The following CXCL13 variants were observed in gnomAD, a reference collection of about 807,000 sequenced individuals.
CXCL13 encodes the protein C-X-C motif chemokine 13.
Under a neutral mutation model 12.2 loss-of-function variants are expected in CXCL13, and 7 were observed. That is an observed-to-expected ratio of 0.57 (90% CI 0.33 to 1.07). The LOEUF (loss-of-function observed/expected upper bound fraction) is 1.07, where lower values mean the gene tolerates loss of function less well. Among genes scored for constraint, CXCL13 ranks in the 50% least tolerant of loss-of-function variants. The pLI is 0.04. For synonymous variants in CXCL13, 47 were observed against 42.4 expected (o/e 1.11, Z -0.42); for missense variants, 113 against 127.4 (o/e 0.89, Z 0.55).
intron 1 of CXCL13, among the ~76,000 whole-genome samples, chr4:77,514,855 G>T (rs1724375997): frequency 6.6e-6 from 1 of 152,064 alleles, no homozygotes. Context: ...CATTGCTTTT[G>T]GTGTTTTAGA....
chr4:77,537,644 T>C (rs1365253144), intron 1 of CXCL13, among the ~76,000 whole-genome samples: 10 of 152,202 alleles, frequency 6.6e-5, no homozygotes, highest in Non-Finnish European at 1.3e-4. Flanking sequence ...GAGTGTGTAA[T>C]GGATAGCAAT....
intron 1 of CXCL13, among the ~76,000 whole-genome samples, chr4:77,579,690 T>C (rs1025679927): frequency 6.6e-6 from 1 of 152,166 alleles, no homozygotes; most frequent in Non-Finnish European, 1.5e-5. Context: ...TGCCAAGCCC[T>C]AGAAATTAGA....
chr4:77,578,838 C>A (rs1004924223), intron 1 of CXCL13, among the ~76,000 whole-genome samples: 2 of 152,178 alleles, frequency 1.3e-5, no homozygotes, highest in Non-Finnish European at 2.9e-5. Context: ...ATCACACCCC[C>A]AAATTTTACC....
chr4:77,522,806 G>A (rs1186147982), intron 1 of CXCL13, among the ~76,000 whole-genome samples: 3 of 151,812 alleles, frequency 2.0e-5, no homozygotes, highest in Non-Finnish European at 2.9e-5. Context: ...TCATAGCATC[G>A]ATGGTCTTTA....
At chr4:77,549,832 G>T (rs1013852032) in intron 1 of CXCL13, among the ~76,000 whole-genome samples, 6 of 152,346 alleles carry the variant, frequency 3.9e-5, no homozygotes, top group African/African-American at 1.4e-4. Context: ...TCTGTTCTCA[G>T]ATCTCAAACT....
intron 1 of CXCL13, among the ~76,000 whole-genome samples, chr4:77,567,425 T>A (rs1725965575): frequency 6.6e-6 from 1 of 152,184 alleles, no homozygotes; most frequent in African/African-American, 2.4e-5. Flanking sequence ...GTGGCAACTC[T>A]CCACACAAAT....
intron 1 of CXCL13, among the ~76,000 whole-genome samples, chr4:77,593,928 A>G (rs148705882): frequency 5.1e-4 from 78 of 152,328 alleles, no homozygotes; most frequent in African/African-American, 1.8e-3. Context: ...CAGAACACAG[A>G]GATTGGGCTG....
chr4:77,567,496 C>T (rs1725967365), intron 1 of CXCL13, among the ~76,000 whole-genome samples: 1 of 152,152 alleles, frequency 6.6e-6, no homozygotes, highest in African/African-American at 2.4e-5. Flanking sequence ...GAAGATGTTG[C>T]CCCTACGTGA....
chr4:77,572,459 A>G lies in CXCL13; in HGVS notation c.-42-33365A>G, dbSNP rs1315214482. On this transcript the variant is annotated intron_variant, in intron 1 of 4. Transcript: ENST00000286758. Reference sequence around the variant, plus strand: ...ACAGACACTTTTCAAAAGAAGACATACATGTGGTCAACAATCGTATGAAAA... The same window carrying G: ...ACAGACACTTTTCAAAAGAAGACATGCATGTGGTCAACAATCGTATGAAAA... 7.2e-5 allele frequency among the ~76,000 whole-genome samples: 11 copies of G among 151,928 alleles called. No homozygotes were observed. The East Asian group carries it at 1.9e-3, about 27-fold the overall frequency.
intron 1 of CXCL13, among the ~76,000 whole-genome samples, chr4:77,521,904 C>T (rs1273653377): frequency 6.6e-6 from 1 of 152,076 alleles, no homozygotes; most frequent in Non-Finnish European, 1.5e-5. Context: ...GATTCTGGTA[C>T]ATTTTGTCTT....
chr4:77,514,946 C>G (rs1221218334), intron 1 of CXCL13, among the ~76,000 whole-genome samples: 1 of 152,028 alleles, frequency 6.6e-6, no homozygotes, highest in African/African-American at 2.4e-5. Flanking sequence ...TTAGGTCTAA[C>G]GTTTAAGTCT....
chr4:77,587,590 G>A (rs543054340), intron 1 of CXCL13, among the ~76,000 whole-genome samples: 2 of 152,294 alleles, frequency 1.3e-5, no homozygotes, highest in Non-Finnish European at 2.9e-5. Context: ...AACTTCCACT[G>A]TATGCCAGGT....
intron 1 of CXCL13, among the ~76,000 whole-genome samples, chr4:77,573,927 C>T (rs1167416660): frequency 6.6e-6 from 1 of 151,946 alleles, no homozygotes; most frequent in Non-Finnish European, 1.5e-5. Flanking sequence ...CATGTGCCAT[C>T]TGTTTAGAGA....
intron 1 of CXCL13, among the ~76,000 whole-genome samples, chr4:77,599,797 G>A (rs1386522580): frequency 6.6e-6 from 1 of 152,214 alleles, no homozygotes; most frequent in East Asian, 1.9e-4. Flanking sequence ...TCTGGCTGCA[G>A]TGTGGAAAGT....
intron 1 of CXCL13, among the ~76,000 whole-genome samples, chr4:77,563,981 G>A (rs549975213): frequency 6.6e-6 from 1 of 152,106 alleles, no homozygotes; most frequent in South Asian, 2.1e-4. Flanking sequence ...AGTTTCGAGG[G>A]CATGTGACAG....
chr4:77,572,983 A>G (rs1234629114), intron 1 of CXCL13, among the ~76,000 whole-genome samples: 4 of 151,226 alleles, frequency 2.6e-5, no homozygotes, highest in Admixed American at 6.6e-5. Flanking sequence ...CTAACACAGG[A>G]AAAAAAAACT....
intron 1 of CXCL13, among the ~76,000 whole-genome samples, chr4:77,538,415 T>C (rs1487681812): frequency 6.9e-6 from 1 of 145,968 alleles, no homozygotes; most frequent in African/African-American, 2.5e-5. Flanking sequence ...ATTTATTCAA[T>C]GTCTTGTCTT....
intron 1 of CXCL13, among the ~76,000 whole-genome samples, chr4:77,573,544 T>C (rs1339440918): frequency 6.6e-6 from 1 of 151,890 alleles, no homozygotes; most frequent in Non-Finnish European, 1.5e-5. Context: ...ATGACTTAAG[T>C]TCACTAAAAT....
At chr4:77,516,138 T>TATATGCATCCCAGAGA (rs1397675462) in intron 1 of CXCL13, among the ~76,000 whole-genome samples, 1 of 152,230 alleles carries the variant, frequency 6.6e-6, no homozygotes, top group Non-Finnish European at 1.5e-5. Context: ...CGAACCAGAC[T>TATATGCATCCCAGAGA]TGCATCCCAG....
Sources: gnomAD v4.1 joint callset for allele counts (sites outside exome capture counted in the v4.1 genomes callset) on GRCh38, gnomAD v4.1.1 for gene constraint, MANE v1.5 for transcripts, NCBI Gene and HGNC (gene_info 2026-07-23, HGNC 2026-07-21) for gene names.